Variants in HPS1 observed in about 807,000 individuals in gnomAD.
The protein encoded by HPS1 is HPS1 biogenesis of lysosomal organelles complex 3 subunit 1.
HPS1 carries 59 observed loss-of-function variants against 90.6 expected under a neutral mutation model. The ratio of observed to expected loss-of-function variants is 0.65; its 90% confidence interval spans 0.53 to 0.81. The LOEUF is 0.81. Ranked by LOEUF, HPS1 falls within the 30% of genes least tolerant of loss-of-function variation. The probability of loss-of-function intolerance (pLI) is 0.00; values close to 1 mark genes in which losing one functional copy is unlikely to be tolerated. For missense variants in HPS1, 849 were observed against 896.7 expected, an observed-to-expected ratio of 0.95 and a Z score of 0.68; for synonymous variants, 388 against 384.4, an observed-to-expected ratio of 1.01 and a Z score of -0.11.
intron 6 of HPS1, among the ~76,000 whole-genome samples, chr10:98,433,415 A>T (rs781697873): frequency 9.9e-5 from 15 of 152,194 alleles, no homozygotes; most frequent in Non-Finnish European, 2.1e-4. Context: ...TAGGAAGGCA[A>T]GGAGTGCTAC....
chr10:98,427,127 AC>A, intron 11 of HPS1, 87 bp downstream of exon 11: 1 of 1,134,230 alleles, frequency 8.8e-7, no homozygotes, highest in South Asian at 1.4e-5. Context: ...GGGTAGAGTC[AC>A]CCTGGAGGCG....
chr10:98,434,514 C>T (rs1847008779), intron 5 of HPS1, among the ~76,000 whole-genome samples: 1 of 150,888 alleles, frequency 6.6e-6, no homozygotes, highest in African/African-American at 2.4e-5. Flanking sequence ...AGGCATCTGC[C>T]ACCTGCAGCA....
At chr10:98,420,503 C>T in intron 17 of HPS1, 4 of 351,416 alleles carry the variant, frequency 1.1e-5, no homozygotes, top group South Asian at 8.9e-5. Context: ...TGCTTGAGCT[C>T]AGGAGTTCGA....
At position 98,417,992 on chromosome 10, in the gene HPS1, C is replaced by T. The variant is rs1844326723; in HGVS notation, c.1940+183G>A. 6.6e-6 allele frequency among the ~76,000 whole-genome samples: 1 copy of T among 152,172 alleles called. No homozygotes were observed. Among genetic ancestry groups the T allele is most frequent in the Admixed American group, 6.5e-5 (1 of 15,288 alleles). On this transcript the variant is annotated intron_variant, in intron 19 of 19. Transcript: ENST00000361490. This position sits in a 1 kb window ranked among gnomAD's most constrained non-coding sequence, Gnocchi z 4.2. ...TGCCAGCAGGAAGGTGGTAGGAACACAGATGTACCCTCCACACCCGTCCTC... is the reference window on the plus strand; with the variant it reads ...TGCCAGCAGGAAGGTGGTAGGAACATAGATGTACCCTCCACACCCGTCCTC...
intron 3 of HPS1, chr10:98,442,490 A>G (rs1050552559): frequency 3.1e-5 from 5 of 160,482 alleles, no homozygotes; most frequent in African/African-American, 1.2e-4. Context: ...ACAGCTATTA[A>G]AAAATTAACG....
chr10:98,426,075 C>T (rs1845569222), intron 11 of HPS1, 90 bp from the exon 12 acceptor site: 1 of 1,169,524 alleles, frequency 8.6e-7, no homozygotes, highest in African/African-American at 1.5e-5. Context: ...AAGAAATAAT[C>T]ATTTTTAGCT....
downstream of HPS1, among the ~76,000 whole-genome samples, chr10:98,415,988 A>T (rs1844054993): frequency 6.6e-6 from 1 of 152,172 alleles, no homozygotes; most frequent in Non-Finnish European, 1.5e-5. Flanking sequence ...TTCTCTGCCC[A>T]TTACTTAGCA....
chr10:98,414,970 C>T (rs559813370), downstream of HPS1: 355 of 1,603,266 alleles, frequency 2.2e-4, 3 homozygotes, highest in South Asian at 3.7e-3. Flanking sequence ...GCTGTCTTCC[C>T]GCCCCTCAGC....
intron 10 of HPS1, 134 bp downstream of exon 10, chr10:98,429,439 T>C: frequency 6.4e-7 from 1 of 1,562,716 alleles, no homozygotes. Flanking sequence ...CAGCGTCCTG[T>C]GCTCTAGGAA....
intron 3 of HPS1, among the ~76,000 whole-genome samples, chr10:98,440,049 G>A (rs1401560316): frequency 6.6e-6 from 1 of 152,134 alleles, no homozygotes; most frequent in Admixed American, 6.5e-5. Flanking sequence ...TGACATGATT[G>A]TAAGTTTCCT....
In HPS1 at chr10:98,430,862, G is replaced by C. The variant is rs559992143; in HGVS notation, c.669-192C>G. On this transcript the variant is annotated intron_variant, in intron 7 of 19. Transcript: ENST00000361490. ...ACTTGGTTGTATAGAACAAAGAAAA[G>C]AAAATGATTTAGCAGTGGGAAAGCA... 5.3e-5 allele frequency among the ~76,000 whole-genome samples: 8 copies of C among 152,312 alleles called. No individual in the cohort carries two copies. The East Asian group carries it at 1.5e-3, about 29-fold the overall frequency.
intron 6 of HPS1, among the ~76,000 whole-genome samples, chr10:98,431,910 C>G (rs1846530942): frequency 6.6e-6 from 1 of 152,054 alleles, no homozygotes; most frequent in Non-Finnish European, 1.5e-5. Flanking sequence ...GATATAAAAG[C>G]CTTATTAATG....
chr10:98,444,068 A>AAACC (rs1221363835), intron 2 of HPS1, among the ~76,000 whole-genome samples: 2 of 151,900 alleles, frequency 1.3e-5, no homozygotes, highest in African/African-American at 4.8e-5. Context: ...ACAAACAAAC[A>AAACC]AAAAACAGCT....
At chr10:98,429,135 C>A (rs1846017279) in intron 10 of HPS1, 24 of 1,016,774 alleles carry the variant, frequency 2.4e-5, no homozygotes, top group Non-Finnish European at 2.9e-5. Flanking sequence ...AGCCACCACA[C>A]CTCAACCATT....
chr10:98,420,060 C>T lies in HPS1; in HGVS notation c.1842G>A (p.Trp614Ter). 1 of 1,612,904 alleles carries T rather than the reference C, an allele frequency of 6.2e-7. No individual in the cohort carries two copies. The highest frequency in any genetic ancestry group is 1.1e-5 in the South Asian group (1 of 91,056). ...CCTCACCTACCATGTCATTCTCGAA[C>T]CACAGGAAGTAGGAGCAGTAGAAAT... ...EGDFYCSYFL[W>*]FENDMGYKLQ... Residue 614 changes from tryptophan to a stop codon, truncating the protein, a stop_gained, in exon 18 of 20, where the codon TGG becomes TGA. Transcript: ENST00000361490. LOFTEE classifies it high-confidence loss of function.
chr10:98,427,305 G>T, intron 10 of HPS1, 41 bp from the exon 11 acceptor site: 3 of 1,511,928 alleles, frequency 2.0e-6, no homozygotes, highest in Non-Finnish European at 2.7e-6. Context: ...TAAGTACCAT[G>T]AGATGTAAGC....
intron 3 of HPS1, among the ~76,000 whole-genome samples, chr10:98,436,707 A>G (rs900050649): frequency 6.6e-6 from 1 of 152,260 alleles, no homozygotes; most frequent in African/African-American, 2.4e-5. Context: ...TAGTGGAATA[A>G]AAAGAAAGGA....
chr10:98,424,154 CA>C (rs1260536194), intron 14 of HPS1, among the ~76,000 whole-genome samples, 158 bp downstream of exon 14: 1 of 152,188 alleles, frequency 6.6e-6, no homozygotes, highest in Non-Finnish European at 1.5e-5. Context: ...AGGAGCTTCC[CA>C]GCTTCTCCAC....
chr10:98,421,965 AACACAC>A (rs1270311453), intron 17 of HPS1, among the ~76,000 whole-genome samples: 2 of 118,694 alleles, frequency 1.7e-5, no homozygotes, highest in African/African-American at 7.5e-5. Context: ...GAAAGAAAAG[AACACAC>A]ACACACAGAC....
Sources: allele counts gnomAD v4.1 joint callset (sites outside exome capture counted in the v4.1 genomes callset), GRCh38; gene constraint gnomAD v4.1.1; non-coding constraint Gnocchi (gnomAD v3.1); transcripts MANE v1.5; gene names NCBI Gene and HGNC (gene_info 2026-07-23, HGNC 2026-07-21).